MACF1: variants seen among roughly 807,000 people sequenced by gnomAD.
MACF1 encodes the protein microtubule actin crosslinking factor 1.
In MACF1, 193 loss-of-function variants were observed where a neutral mutation model predicts 854.8. The ratio of observed to expected loss-of-function variants is 0.23; its 90% CI spans 0.20 to 0.25. The LOEUF is 0.25. Among genes scored for constraint, MACF1 ranks in the 10% least tolerant of loss-of-function variants. The pLI is 1.00. For synonymous variants in MACF1, 3,185 were observed against 3,226.7 expected, an observed-to-expected ratio of 0.99 and a Z score of 0.44; for missense variants, 7,722 against 8,929.1, an observed-to-expected ratio of 0.86 and a Z score of 5.45.
chr1:39,284,916 C>G (rs932426275), intron 11 of MACF1, among the ~76,000 whole-genome samples, 167 bp from the exon 12 acceptor site: 1 of 152,170 alleles, frequency 6.6e-6, no homozygotes, highest in Non-Finnish European at 1.5e-5. Context: ...CTCTTTAACT[C>G]AAGGGTGAAG....
chr1:39,328,630 C>G (rs1436702493), intron 36 of MACF1: 2 of 152,234 alleles, frequency 1.3e-5, no homozygotes, highest in African/African-American at 4.8e-5. Context: ...ACCAAGCTTA[C>G]ACTGTGTGTG....
At chr1:39,173,303 G>A (rs150844355) in intron 2 of MACF1, among the ~76,000 whole-genome samples, 3 of 137,852 alleles carry the variant, frequency 2.2e-5, no homozygotes, top group East Asian at 2.2e-4. Context: ...TTGCACCACT[G>A]AACTCCAGCC....
At position 39,283,333 on chromosome 1, in the gene MACF1, AAC is replaced by A; in HGVS notation, c.808+35_808+36del. The A allele has an allele frequency of 1.3e-6, 2 of 1,586,616 alleles. No homozygotes were observed. Among genetic ancestry groups the A allele is most frequent in the Non-Finnish European group, 1.7e-6 (2 of 1,154,992 alleles). ...GGGAGTTTACTGAACTTGAGTAAGG[AAC>A]ACGTATTCAGTATTCCTTCTTCTGG... On this transcript the variant is annotated intron_variant, in intron 8 of 100. Transcript: ENST00000564288. The surrounding 1 kb of genome is among the most constrained non-coding windows in gnomAD (Gnocchi z 4.5).
rs1641895114 is a variant in MACF1 at position 39,388,756 on chromosome 1, T to G, written c.15816+98T>G. The G allele has an allele frequency of 7.8e-6, 9 of 1,151,330 alleles. No individual in the cohort carries two copies. In the Admixed American group the frequency reaches 2.1e-4, roughly 26 times the overall value. 71.3% of individuals were successfully genotyped at this position (1,151,330 alleles called of 1,614,324 possible). A position where few individuals can be genotyped will look rare whatever the true frequency, so the allele number is the denominator to read the frequency against. ...ATACATTTTAACTTCTGTCCCTAGT[T>G]TTATTATTGTCACTTCCATCACCAT... On this transcript the variant is annotated intron_variant, in intron 58 of 100. Transcript: ENST00000564288.
At chr1:39,296,898 A>C (rs1201440292) in intron 20 of MACF1, among the ~76,000 whole-genome samples, 1 of 151,956 alleles carries the variant, frequency 6.6e-6, no homozygotes, top group African/African-American at 2.4e-5. Flanking sequence ...AGGTGGGAGG[A>C]GAAAATAAGC....
chr1:39,143,828 G>A (rs1571095354), intron 2 of MACF1, among the ~76,000 whole-genome samples: 1 of 152,084 alleles, frequency 6.6e-6, no homozygotes, highest in East Asian at 1.9e-4. Context: ...AGGCTGGAGT[G>A]CAGTGGCGCG....
intron 6 of MACF1, among the ~76,000 whole-genome samples, chr1:39,272,060 A>G (rs1456803765): frequency 6.6e-6 from 1 of 152,162 alleles, no homozygotes; most frequent in Non-Finnish European, 1.5e-5. Context: ...CAGTCATACT[A>G]CTTATGTATA....
At chr1:39,297,534 T>C in intron 20 of MACF1, 86 bp from the exon 21 acceptor site, 1 of 1,530,398 alleles carries the variant, frequency 6.5e-7, no homozygotes. Flanking sequence ...TGCTAAGCTC[T>C]GCACAGTAAA....
At position 39,318,429 on chromosome 1, in the gene MACF1, A is replaced by G. The variant is rs779565403; in HGVS notation, c.3783-24A>G. 13 of 1,607,922 alleles carry G rather than the reference A, an allele frequency of 8.1e-6. No individual in the cohort carries two copies. In the African/African-American group the frequency reaches 1.5e-4, roughly 18 times the overall value. ...TTGTATTTGTACCAAGGTATCTGAT[A>G]GCAGTTTCCCTTTGTTCTTCTAGCC... is the stretch of plus-strand genomic sequence containing the variant. On this transcript the variant is annotated intron_variant, in intron 29 of 100. Transcript: ENST00000564288.
intron 2 of MACF1, among the ~76,000 whole-genome samples, chr1:39,136,130 G>A (rs1250334078): frequency 6.6e-6 from 1 of 152,100 alleles, no homozygotes; most frequent in East Asian, 1.9e-4. Context: ...TCTTCTCTGG[G>A]TTCCCCTCAA....
intron 2 of MACF1, among the ~76,000 whole-genome samples, chr1:39,175,232 T>C (rs915306575): frequency 6.6e-6 from 1 of 152,156 alleles, no homozygotes; most frequent in Non-Finnish European, 1.5e-5. Flanking sequence ...AAAATTATCA[T>C]GGAAAATATC....
intron 2 of MACF1, among the ~76,000 whole-genome samples, chr1:39,109,843 A>G (rs1377073243): frequency 6.6e-6 from 1 of 152,192 alleles, no homozygotes; most frequent in South Asian, 2.1e-4. Flanking sequence ...TAAGTGAGAA[A>G]TTGTGAAAAT....
In MACF1 at chr1:39,423,270, TA is replaced by T. The variant is rs548136446; in HGVS notation, c.16149+378del. On this transcript the variant is annotated intron_variant, in intron 60 of 100. Coordinates refer to ENST00000564288, the MANE Select transcript of MACF1 (RefSeq NM_001394062.1). ...CTATTTTAGTGCAGTTTTTTCTTTT[TA>T]AAAAAAATTTATCCCAAAGGAAATT... Among the ~76,000 whole-genome samples the T allele has an allele frequency of 1.5e-3, 226 of 152,232 alleles. 2 individuals carry two copies. Among genetic ancestry groups the T allele is most frequent in the African/African-American group, 5.1e-3 (213 of 41,544 alleles).
chr1:39,469,714 G>A, intron 97 of MACF1, 99 bp downstream of exon 97: 1 of 951,804 alleles, frequency 1.1e-6, no homozygotes, highest in Admixed American at 2.1e-5. Flanking sequence ...TGTATCTGCT[G>A]CATTCATGAA....
At chr1:39,474,555 C>T (rs1371384105) in intron 97 of MACF1, among the ~76,000 whole-genome samples, 4 of 151,148 alleles carry the variant, frequency 2.6e-5, no homozygotes, top group Non-Finnish European at 5.9e-5. Context: ...AATTAACGGC[C>T]TGGTGGTGTA....
At chr1:39,211,003 G>A (rs1313137502) in intron 1 of MACF1, among the ~76,000 whole-genome samples, 2 of 121,706 alleles carry the variant, frequency 1.6e-5, no homozygotes, top group Non-Finnish European at 3.2e-5. Flanking sequence ...GTCTTGCTTT[G>A]TCGCCCAGGC....
intron 2 of MACF1, among the ~76,000 whole-genome samples, chr1:39,140,498 G>A (rs550123850): frequency 2.6e-5 from 4 of 152,332 alleles, no homozygotes; most frequent in African/African-American, 9.6e-5. Context: ...ACAAGTTGAA[G>A]AAATGTTGAT....
chr1:39,097,436 C>T (rs532983531), intron 2 of MACF1, among the ~76,000 whole-genome samples: 2 of 152,108 alleles, frequency 1.3e-5, no homozygotes, highest in African/African-American at 4.8e-5. Flanking sequence ...AACATCATGG[C>T]GGGAGGATAG....
intron 1 of MACF1, among the ~76,000 whole-genome samples, chr1:39,220,605 C>T (rs1302163380): frequency 6.6e-6 from 1 of 151,718 alleles, no homozygotes; most frequent in African/African-American, 2.4e-5. Context: ...GCGTCAGCCT[C>T]CCGAGTAGCT....
Sources: gnomAD v4.1 joint callset for allele counts (sites outside exome capture counted in the v4.1 genomes callset) on GRCh38, gnomAD v4.1.1 for gene constraint, Gnocchi (gnomAD v3.1) non-coding constraint, MANE v1.5 for transcripts, NCBI Gene and HGNC (gene_info 2026-07-23, HGNC 2026-07-21) for gene names.